Variants in DAPK2 observed in about 807,000 individuals in gnomAD.
DAPK2 encodes death-associated protein kinase 2.
DAPK2 carries 35 observed loss-of-function variants against 44.1 expected under a neutral mutation model. That is an observed-to-expected ratio of 0.79 (90% confidence interval 0.61 to 1.05). The LOEUF (loss-of-function observed/expected upper bound fraction) is 1.05. Among genes scored for constraint, DAPK2 ranks in the 50% least tolerant of loss-of-function variants. The pLI is 0.00. For missense variants in DAPK2, 453 were observed against 483.2 expected (o/e 0.94, Z 0.59); for synonymous variants, 174 against 182.6 (o/e 0.95, Z 0.38).
intron 1 of DAPK2, among the ~76,000 whole-genome samples, chr15:64,012,811 C>G (rs981255337): frequency 1.3e-5 from 2 of 152,146 alleles, no homozygotes; most frequent in Non-Finnish European, 2.9e-5. Flanking sequence ...TGGGAGGGAA[C>G]TTTTAAATGC....
chr15:63,929,073 G>A (rs1450496345), intron 6 of DAPK2, among the ~76,000 whole-genome samples: 2 of 152,132 alleles, frequency 1.3e-5, no homozygotes, highest in Non-Finnish European at 2.9e-5. Context: ...GGTGGTGGGT[G>A]CCTGTAATCC....
At chr15:63,963,179 C>T (rs545705481) in intron 3 of DAPK2, among the ~76,000 whole-genome samples, 6 of 152,140 alleles carry the variant, frequency 3.9e-5, no homozygotes, top group African/African-American at 9.7e-5. Flanking sequence ...CCTGGTGTGC[C>T]GTTTGCTAAG....
chr15:63,931,692 A>G (rs1306149459), intron 4 of DAPK2, among the ~76,000 whole-genome samples: 1 of 152,214 alleles, frequency 6.6e-6, no homozygotes, highest in Non-Finnish European at 1.5e-5. Context: ...GTTTGGAGCC[A>G]TCCATGTACA....
chr15:63,945,224 T>C (rs1363972048), intron 3 of DAPK2, among the ~76,000 whole-genome samples: 1 of 152,118 alleles, frequency 6.6e-6, no homozygotes, highest in East Asian at 1.9e-4. Flanking sequence ...CCCCTCCGTG[T>C]TGATGACGCT....
In DAPK2 at chr15:64,036,282, T is replaced by A. The variant is rs1405152415; in HGVS notation, c.92+3888A>T. On this transcript the variant is annotated intron_variant, in intron 1 of 10. Transcript: ENST00000261891. The stretch of plus-strand genomic sequence containing the variant: ...CTCAAAATATATATATATGTGTGTG[T>A]GTGTGTGTGTGTGTGTGTGTGTGTG... 2.7e-5 allele frequency among the ~76,000 whole-genome samples: 3 copies of A among 111,396 alleles called. No individual in the cohort carries two copies. The East Asian group carries it at 8.0e-4, about 30-fold the overall frequency. The allele number at this position is 111,396 out of a possible 152,430, so 73.1% of individuals were successfully genotyped here.
At chr15:63,910,469 G>A (rs2078758399) in intron 10 of DAPK2, among the ~76,000 whole-genome samples, 1 of 152,228 alleles carries the variant, frequency 6.6e-6, no homozygotes, top group Non-Finnish European at 1.5e-5. Flanking sequence ...ATAAGCGGGG[G>A]GAGGGGCTGT....
rs1272685439 is a variant in DAPK2, at chr15:64,020,075, G to A, written c.92+20095C>T. ...CAGGCTTTACTGTGCCATAAGCCAT[G>A]GCTCTAGATGAGTGATTCCTGCCCC... is the stretch of plus-strand genomic sequence containing the variant. On this transcript the variant is annotated intron_variant, in intron 1 of 10. Transcript: ENST00000261891. This position sits in a 1 kb window ranked among gnomAD's most constrained non-coding sequence, Gnocchi z 4.5. Among the ~76,000 whole-genome samples the A allele has an allele frequency of 2.0e-5, 3 of 152,196 alleles. No homozygotes were observed. The highest frequency in any genetic ancestry group is 4.4e-5 in the Non-Finnish European group (3 of 68,042).
At position 63,939,783 on chromosome 15, in the gene DAPK2, C is replaced by T. The variant is rs889403939; in HGVS notation, c.454-422G>A. The stretch of plus-strand genomic sequence containing the variant: ...AGGGACGGGGACATCCCAGCTTAGC[C>T]TCTGTTTATACTTGGCTTACTGACC... On this transcript the variant is annotated intron_variant, in intron 3 of 10. Coordinates refer to ENST00000261891, the Ensembl canonical transcript of DAPK2. The surrounding 1 kb of genome is among the most constrained non-coding windows in gnomAD (Gnocchi z 4.3). 1.3e-5 allele frequency among the ~76,000 whole-genome samples: 2 copies of T among 152,194 alleles called. No individual in the cohort carries two copies. The highest frequency in any genetic ancestry group is 2.4e-5 in the African/African-American group (1 of 41,440).
At chr15:64,024,649 C>T (rs1031330645) in intron 1 of DAPK2, among the ~76,000 whole-genome samples, 11 of 152,164 alleles carry the variant, frequency 7.2e-5, no homozygotes, top group Admixed American at 3.3e-4. Flanking sequence ...CAGGCTGTCC[C>T]GCCCTGAGCC....
Position 63,923,526 on chromosome 15 carries a change from G to C in DAPK2, c.858+1290C>G, listed in dbSNP as rs958619699. On this transcript the variant is annotated intron_variant, in intron 8 of 10. Coordinates refer to ENST00000261891, the Ensembl canonical transcript of DAPK2. This position sits in a 1 kb window ranked among gnomAD's most constrained non-coding sequence, Gnocchi z 4.2. ...CCATAAGTGAGGTCAAGGAGTGTGG[G>C]GGTGCTGTCTGCATGCTCATTCAGG... Among the ~76,000 whole-genome samples, 5 of 152,192 alleles carry C rather than the reference G, an allele frequency of 3.3e-5. No homozygotes were observed. The highest frequency in any genetic ancestry group is 1.2e-4 in the African/African-American group (5 of 41,452).
chr15:64,036,010 G>C (rs2080169091), intron 1 of DAPK2, among the ~76,000 whole-genome samples: 1 of 152,036 alleles, frequency 6.6e-6, no homozygotes, highest in African/African-American at 2.4e-5. Context: ...AAGAAGTAGA[G>C]TTAAAGGTTA....
At chr15:63,961,925 T>A (rs1002809782) in intron 3 of DAPK2, among the ~76,000 whole-genome samples, 1 of 152,230 alleles carries the variant, frequency 6.6e-6, no homozygotes, top group Non-Finnish European at 1.5e-5. Context: ...CTGGATAATA[T>A]CCTGAAGAGT....
chr15:63,941,078 A>C (rs1441745073), intron 3 of DAPK2, among the ~76,000 whole-genome samples: 1 of 152,272 alleles, frequency 6.6e-6, no homozygotes, highest in Admixed American at 6.5e-5. Flanking sequence ...TAAATATTTA[A>C]GAAAATCAAA....
At chr15:64,024,014 C>T (rs569889418) in intron 1 of DAPK2, among the ~76,000 whole-genome samples, 37 of 152,240 alleles carry the variant, frequency 2.4e-4, no homozygotes, top group African/African-American at 8.2e-4. Context: ...GGGAGTCTAC[C>T]TTGCGCGGTT....
chr15:63,921,500 A>G (rs189835006), intron 8 of DAPK2: 2 of 152,352 alleles, frequency 1.3e-5, no homozygotes, highest in Non-Finnish European at 1.5e-5. Context: ...CACTAGGCTC[A>G]TATGCCATGC....
At chr15:63,946,953 C>A (rs1370230762) in intron 3 of DAPK2, among the ~76,000 whole-genome samples, 1 of 152,162 alleles carries the variant, frequency 6.6e-6, no homozygotes, top group Non-Finnish European at 1.5e-5. Context: ...GTGCTCAGCT[C>A]CCTGTCCTCA....
chr15:63,979,545 C>T lies in DAPK2; in HGVS notation c.314+3988G>A, dbSNP rs1181085255. Among the ~76,000 whole-genome samples the T allele has an allele frequency of 1.3e-5, 2 of 152,200 alleles. 1 individual carries two copies. Among genetic ancestry groups the T allele is most frequent in the African/African-American group, 4.8e-5 (2 of 41,440 alleles). On this transcript the variant is annotated intron_variant, in intron 2 of 10. Coordinates refer to ENST00000261891, the Ensembl canonical transcript of DAPK2. The stretch of plus-strand genomic sequence containing the variant: ...ACACTTACTGGGCAAACCCACTAAC[C>T]TATTAGGGCCCAGTGAGGACCACGA...
chr15:64,040,083 G>T, intron 1 of DAPK2, 87 bp downstream of exon 2: 1 of 1,052,130 alleles, frequency 9.5e-7, no homozygotes, highest in Non-Finnish European at 1.5e-6. Flanking sequence ...CTGTGGCCCT[G>T]CCTTCCAACA....
chr15:63,983,510 TG>T, intron 2 of DAPK2, 22 bp downstream of exon 3: 1 of 1,606,686 alleles, frequency 6.2e-7, no homozygotes, highest in Non-Finnish European at 8.5e-7. Context: ...CCCAACCCTG[TG>T]GGTCCTGGGG....
Sources: gnomAD v4.1 joint callset for allele counts (sites outside exome capture counted in the v4.1 genomes callset) on GRCh38, gnomAD v4.1.1 for gene constraint, Gnocchi (gnomAD v3.1) non-coding constraint, MANE v1.5 for transcripts, NCBI Gene and HGNC (gene_info 2026-07-23, HGNC 2026-07-21) for gene names.